MYH14: variants seen among roughly 807,000 people sequenced by gnomAD.
MYH14 encodes myosin heavy chain 14, also known as myosin-14.
Under a neutral mutation model 255.5 loss-of-function variants are expected in MYH14, and 123 were observed. The observed-to-expected ratio is 0.48, with a 90% CI of 0.42 to 0.56. The LOEUF (loss-of-function observed/expected upper bound fraction) is 0.56, where lower values mean the gene tolerates loss of function less well. Among genes scored for constraint, MYH14 ranks in the 20% least tolerant of loss-of-function variants. The probability of loss-of-function intolerance (pLI) is 0.00; values close to 1 mark genes in which losing one functional copy is unlikely to be tolerated. For synonymous variants in MYH14, 1,095 were observed against 1,161.2 expected, an observed-to-expected ratio of 0.94 and a Z score of 1.16; for missense variants, 2,423 against 2,802.3, an observed-to-expected ratio of 0.86 and a Z score of 3.06.
At chr19:50,269,011 GTTTATAAAAA>G (rs1198957389) in intron 24 of MYH14, among the ~76,000 whole-genome samples, 1 of 152,142 alleles carries the variant, frequency 6.6e-6, no homozygotes, top group African/African-American at 2.4e-5. Flanking sequence ...AATTTCTGCA[GTTTATAAAAA>G]CTAGATTCAC....
In MYH14 at chr19:50,276,638, C is replaced by A; in HGVS notation, c.3681-119C>A. The A allele has an allele frequency of 1.5e-6, 2 of 1,296,102 alleles. No individual in the cohort carries two copies. Among genetic ancestry groups the A allele is most frequent in the Non-Finnish European group, 2.2e-6 (2 of 910,468 alleles). The allele number at this position is 1,296,102 out of a possible 1,614,324, so 80.3% of individuals were successfully genotyped here. A position where few individuals can be genotyped will look rare whatever the true frequency, so the allele number is the denominator to read the frequency against. On this transcript the variant is annotated intron_variant, in intron 28 of 42. Coordinates refer to ENST00000642316, the MANE Select transcript of MYH14 (RefSeq NM_001145809.2). This position sits in a 1 kb window ranked among gnomAD's most constrained non-coding sequence, Gnocchi z 4.3. ...ATCACCACCCAGATCTCCTGAGGAG[C>A]ATAACATGAGGCCCTCATATTTTAA...
intron 23 of MYH14, among the ~76,000 whole-genome samples, chr19:50,267,540 T>C (rs1412964722): frequency 6.6e-6 from 1 of 151,944 alleles, no homozygotes; most frequent in Non-Finnish European, 1.5e-5. Flanking sequence ...TAATCCCAGC[T>C]ACTCTGGGAG....
At chr19:50,255,112 T>C (rs2123326806) in intron 16 of MYH14, 108 bp from the exon 17 acceptor site, 2 of 752,292 alleles carry the variant, frequency 2.7e-6, no homozygotes, top group South Asian at 1.5e-5. Context: ...CCCTCTCCTC[T>C]TTTTCTTCCT....
chr19:50,215,348 C>T (rs976413038), intron 2 of MYH14, among the ~76,000 whole-genome samples: 8 of 152,184 alleles, frequency 5.3e-5, no homozygotes, highest in Non-Finnish European at 8.8e-5. Flanking sequence ...GGGGGAGCTC[C>T]CGGAGCAGCC....
At chr19:50,227,176 G>T (rs1254494942) in intron 8 of MYH14, among the ~76,000 whole-genome samples, 2 of 152,028 alleles carry the variant, frequency 1.3e-5, no homozygotes, top group Non-Finnish European at 2.9e-5. Context: ...GTGGGTTGGG[G>T]TCCACCCAGT....
chr19:50,299,570 CAAAA>C (rs4002409), intron 39 of MYH14, among the ~76,000 whole-genome samples: 2 of 57,640 alleles, frequency 3.5e-5, no homozygotes, highest in South Asian at 8.2e-4. Context: ...GACTCCATCT[CAAAA>C]AAAAAAAAAA....
At position 50,232,019 on chromosome 19, in the gene MYH14, G is replaced by C; in HGVS notation, c.1063G>C (p.Glu355Gln). The C allele has an allele frequency of 6.2e-7, 1 of 1,613,612 alleles. No homozygotes were observed. The highest frequency in any genetic ancestry group is 8.5e-7 in the Non-Finnish European group (1 of 1,179,910). The change falls in exon 10 of 43, where the codon GAG becomes CAG. Residue 355 changes from glutamate (E) to glutamine (Q), a missense_variant. Glu to Gln is a conservative substitution (Grantham distance 29). Around this residue, in one of 3 missense-constraint regions of MYH14, gnomAD observed 672 missense variants for 881.8 expected, o/e 0.76. Coordinates refer to ENST00000642316, the MANE Select transcript of MYH14 (RefSeq NM_001145809.2). ...SPGQERELFQ[E>Q]TLESLRVLGF... is the part of the protein sequence containing the mutation. The stretch of plus-strand genomic sequence containing the variant: ...CGGCCAGGAGCGGGAACTCTTCCAG[G>C]AGACGCTGGAGTCGCTGCGGGTCCT...
chr19:50,219,514 C>T (rs2032697262), intron 3 of MYH14, among the ~76,000 whole-genome samples: 1 of 152,112 alleles, frequency 6.6e-6, no homozygotes, highest in South Asian at 2.1e-4. Context: ...CCCTCTTTCT[C>T]CGAACAATAT....
intron 30 of MYH14, among the ~76,000 whole-genome samples, chr19:50,278,899 A>G (rs1483178988): frequency 6.6e-6 from 1 of 151,634 alleles, no homozygotes; most frequent in African/African-American, 2.4e-5. Context: ...GAGGCAGGAG[A>G]ATCACTTGAA....
intron 21 of MYH14, 24 bp downstream of exon 21, chr19:50,261,659 G>A (rs1287432517): frequency 6.4e-7 from 1 of 1,561,080 alleles, no homozygotes; most frequent in Non-Finnish European, 8.7e-7. Flanking sequence ...CTGTCTCCCG[G>A]GGTCCTGTTG....
chr19:50,252,630 T>C lies in MYH14; in HGVS notation c.1831-9T>C, dbSNP rs1159925689. The C allele has an allele frequency of 1.3e-6, 2 of 1,569,176 alleles. No homozygotes were observed. The highest frequency in any genetic ancestry group is 1.9e-5 in the Admixed American group (1 of 54,012). ...AAGTCATCGCCCTCCTCTACCTGAC[T>C]TCATTCAGGTCGACTACAAGGCCAA... On this transcript the variant is annotated splice_polypyrimidine_tract_variant and intron_variant, in intron 15 of 42. Coordinates refer to ENST00000642316, the MANE Select transcript of MYH14 (RefSeq NM_001145809.2). The surrounding 1 kb of genome is among the most constrained non-coding windows in gnomAD (Gnocchi z 4.2).
At chr19:50,268,137 A>G (rs1360346545) in intron 23 of MYH14, 24 bp from the exon 24 acceptor site, 1 of 1,534,428 alleles carries the variant, frequency 6.5e-7, no homozygotes, top group South Asian at 1.2e-5. Flanking sequence ...CCTGCTGACC[A>G]CTAACCTCCC....
At position 50,301,645 on chromosome 19, in the gene MYH14, T is replaced by TC. The variant is rs1194256512; in HGVS notation, c.5470-12dup. The TC allele has an allele frequency of 6.2e-7, 1 of 1,603,050 alleles. No individual in the cohort carries two copies. ...GAGACTCCACCATGACATCCTTCCTTCCCCTCCTGCTACAGGTAGAGTCAC... is the reference window on the plus strand; with the variant it reads ...GAGACTCCACCATGACATCCTTCCTTCCCCCTCCTGCTACAGGTAGAGTCAC... On this transcript the variant is annotated splice_polypyrimidine_tract_variant and intron_variant, in intron 39 of 42. Coordinates refer to ENST00000642316, the MANE Select transcript of MYH14 (RefSeq NM_001145809.2).
chr19:50,250,122 A>G lies in MYH14; in HGVS notation c.1656+299A>G, dbSNP rs191215327. Among the ~76,000 whole-genome samples the G allele has an allele frequency of 5.3e-3, 802 of 152,060 alleles. 6 individuals carry two copies. Among genetic ancestry groups the G allele is most frequent in the Non-Finnish European group, 8.3e-3 (562 of 67,996 alleles). On this transcript the variant is annotated intron_variant, in intron 14 of 42. Coordinates refer to ENST00000642316, the MANE Select transcript of MYH14 (RefSeq NM_001145809.2). The surrounding 1 kb of genome is among the most constrained non-coding windows in gnomAD (Gnocchi z 5.4). The stretch of plus-strand genomic sequence containing the variant: ...TGTTTTGTTTTGTTTTTTTCTTGAG[A>G]CGGAGTCTCGCTCTATCGCCCAGGC...
At position 50,309,658 on chromosome 19, in the gene MYH14, C is replaced by T. The variant is rs981553634; in HGVS notation, c.5979C>T (p.Phe1993=). 5.0e-6 allele frequency: 8 copies of T among 1,604,910 alleles called. No individual in the cohort carries two copies. The African/African-American group carries it at 6.7e-5, about 13-fold the overall frequency. ...CCCACAGACGCGGCCCCCTCACCTT[C>T]ACCACCCGCACGGTGCGCCAGGTCT... ...RNRLRRGPLT[F]TTRTVRQVFR... The change falls in exon 43 of 43, where the codon TTC becomes TTT. Residue 1993 remains phenylalanine, a synonymous_variant. Transcript: ENST00000642316.
intron 24 of MYH14, among the ~76,000 whole-genome samples, chr19:50,270,056 A>C (rs1354307619): frequency 2.6e-5 from 4 of 152,150 alleles, no homozygotes; most frequent in Non-Finnish European, 5.9e-5. Flanking sequence ...CTACAAAAAC[A>C]AAAACACAAA....
intron 10 of MYH14, among the ~76,000 whole-genome samples, chr19:50,240,616 G>T (rs1330939926): frequency 2.0e-5 from 3 of 150,856 alleles, no homozygotes; most frequent in African/African-American, 7.3e-5. Flanking sequence ...AAATGAAAAA[G>T]GAAAATGGAA....
At chr19:50,233,936 C>T (rs1329098764) in intron 10 of MYH14, among the ~76,000 whole-genome samples, 1 of 151,924 alleles carries the variant, frequency 6.6e-6, no homozygotes, top group Non-Finnish European at 1.5e-5. Flanking sequence ...CTGCCTCAGC[C>T]TCCCAAGTAG....
chr19:50,263,467 C>A, intron 22 of MYH14, 47 bp downstream of exon 22: 1 of 1,394,410 alleles, frequency 7.2e-7, no homozygotes, highest in Non-Finnish European at 9.9e-7. Flanking sequence ...AGGATAGGGC[C>A]TTGGGGCTTG....
Sources: gnomAD v4.1 joint callset for allele counts (sites outside exome capture counted in the v4.1 genomes callset) on GRCh38, gnomAD v4.1.1 for gene constraint, gnomAD v4.1.1 regional missense constraint, Gnocchi (gnomAD v3.1) non-coding constraint, MANE v1.5 for transcripts, NCBI Gene and HGNC (gene_info 2026-07-23, HGNC 2026-07-21) for gene names.